MLXIPL: variants seen among roughly 807,000 people sequenced by gnomAD.
MLXIPL encodes carbohydrate-responsive element-binding protein.
In MLXIPL, 49 loss-of-function variants were observed where a neutral mutation model predicts 81.5. The observed-to-expected ratio is 0.60, with a 90% CI of 0.48 to 0.76. MLXIPL has a LOEUF of 0.76. Among genes scored for constraint, MLXIPL ranks in the 30% least tolerant of loss-of-function variants. The probability of loss-of-function intolerance (pLI) is 0.00; values close to 1 mark genes in which losing one functional copy is unlikely to be tolerated. For synonymous variants in MLXIPL, 466 were observed against 485.5 expected (o/e 0.96, Z 0.53); for missense variants, 1,053 against 1,167.0 (o/e 0.90, Z 1.42).
intron 2 of MLXIPL, among the ~76,000 whole-genome samples, chr7:73,608,887 C>T (rs1231750805): frequency 1.3e-5 from 2 of 152,130 alleles, no homozygotes; most frequent in Non-Finnish European, 2.9e-5. Context: ...AGTGCAGTGG[C>T]GCAATCATAG....
chr7:73,638,925 C>A, the MLXIPL span, among the ~76,000 whole-genome samples: 1 of 151,908 alleles, frequency 6.6e-6, no homozygotes, highest in South Asian at 2.1e-4. Context: ...TCATTTAAGT[C>A]TTTCATTCCC....
the MLXIPL span, among the ~76,000 whole-genome samples, chr7:73,631,428 G>T: frequency 6.6e-6 from 1 of 151,962 alleles, no homozygotes; most frequent in Non-Finnish European, 1.5e-5. Context: ...ACACGGAAGT[G>T]TATATGTTGT....
At chr7:73,609,554 TTG>T (rs34460340) in intron 2 of MLXIPL, 12,828 of 144,990 alleles carry the variant, frequency 0.088, 569 homozygotes, top group Middle Eastern at 0.12. Context: ...CCTGGCCGCT[TTG>T]TGTGTGTGTG....
At chr7:73,638,389 C>T in the MLXIPL span, among the ~76,000 whole-genome samples, 62 of 152,220 alleles carry the variant, frequency 4.1e-4, 1 homozygote. Context: ...ACTGCAACCT[C>T]CACCTCCCAG....
Position 73,605,962 on chromosome 7 carries a change from G to C in MLXIPL, c.768C>G (p.Leu256=). 6.3e-7 allele frequency: 1 copy of C among 1,595,876 alleles called. No homozygotes were observed. Among genetic ancestry groups the C allele is most frequent in the Non-Finnish European group, 8.5e-7 (1 of 1,171,186 alleles). Residue 256 remains leucine, a synonymous_variant, in exon 6 of 17, where the codon CTC becomes CTG. Transcript: ENST00000313375. ...AAGGGCCGGACTGAGTCATGGTGAA[G>C]AGAGTGTCTGAGATGTCGGACAAAA... ...NCFLSDISDT[L]FTMTQSGPSP...
intron 2 of MLXIPL, among the ~76,000 whole-genome samples, chr7:73,614,928 A>G (rs971238485): frequency 1.2e-4 from 18 of 150,128 alleles, no homozygotes; most frequent in Non-Finnish European, 8.8e-5. Flanking sequence ...CTCCTGCCTC[A>G]GCCTGCCGAG....
Position 73,593,370 on chromosome 7 carries a change from T to C in MLXIPL, c.*495A>G. ...AGGGGAAACCATCCTGCAGCCCCTC[T>C]GGGTCAGCAGTGAAGGAGCAGAGAG... On this transcript the variant is annotated 3_prime_UTR_variant, in exon 17 of 17. Transcript: ENST00000313375. 4.3e-6 allele frequency: 1 copy of C among 230,700 alleles called. No homozygotes were observed. Among genetic ancestry groups the C allele is most frequent in the Non-Finnish European group, 8.7e-6 (1 of 115,118 alleles). The allele number at this position is 230,700 out of a possible 1,614,324, so 14.3% of individuals were successfully genotyped here.
chr7:73,644,741 C>T, the MLXIPL span, among the ~76,000 whole-genome samples: 1 of 152,060 alleles, frequency 6.6e-6, no homozygotes, highest in Non-Finnish European at 1.5e-5. Flanking sequence ...GAAGATAGGG[C>T]GACAATCTCC....
intron 1 of MLXIPL, among the ~76,000 whole-genome samples, chr7:73,618,806 T>C (rs782593878): frequency 2.5e-4 from 38 of 152,154 alleles, no homozygotes; most frequent in Non-Finnish European, 5.0e-4. Flanking sequence ...GTTGTCCCTG[T>C]CTGTATCCCA....
At chr7:73,644,310 T>C in the MLXIPL span, among the ~76,000 whole-genome samples, 1 of 151,704 alleles carries the variant, frequency 6.6e-6, no homozygotes, top group African/African-American at 2.4e-5. Flanking sequence ...AGGCTTCAAG[T>C]GATTCTCCTG....
chr7:73,622,691 T>C (rs1374299656), intron 1 of MLXIPL, among the ~76,000 whole-genome samples: 1 of 150,646 alleles, frequency 6.6e-6, no homozygotes, highest in African/African-American at 2.4e-5. Flanking sequence ...AACACAGTCC[T>C]CTCTACCCCA....
Position 73,623,962 on chromosome 7 carries a change from T to C in MLXIPL, c.293+238A>G, listed in dbSNP as rs1172141931. Among the ~76,000 whole-genome samples the C allele has an allele frequency of 6.9e-6, 1 of 145,608 alleles. No individual in the cohort carries two copies. The highest frequency in any genetic ancestry group is 1.5e-5 in the Non-Finnish European group (1 of 66,246). The stretch of plus-strand genomic sequence containing the variant: ...GGTCTGCGCTTCGGGGAAGAGGGAA[T>C]GGGGGAGGAATGGGAATCAGAAATG... On this transcript the variant is annotated intron_variant, in intron 1 of 16. Transcript: ENST00000313375. This position sits in a 1 kb window ranked among gnomAD's most constrained non-coding sequence, Gnocchi z 5.7.
the MLXIPL span, among the ~76,000 whole-genome samples, chr7:73,633,120 G>T: frequency 1.8e-4 from 25 of 141,630 alleles, no homozygotes; most frequent in South Asian, 2.9e-3. Flanking sequence ...TTGCTCTGTT[G>T]CCCAGGCTGG....
In MLXIPL at chr7:73,596,736, AGGGGCCGGGGTC is replaced by A; in HGVS notation, c.1713_1724del (p.Ala574_Pro577del). On this transcript the variant is annotated inframe_deletion, in exon 11 of 17. Transcript: ENST00000313375. This position sits in a 1 kb window ranked among gnomAD's most constrained non-coding sequence, Gnocchi z 4.7. ...GGCCTGGAGGTGGCCGGGGCGGTGT[AGGGGCCGGGGTC>A]GGGGGAAGGAATGTGCAGGGGAATT... 6.3e-7 allele frequency: 1 copy of A among 1,594,836 alleles called. No homozygotes were observed. The highest frequency in any genetic ancestry group is 8.5e-7 in the Non-Finnish European group (1 of 1,171,912).
intron 5 of MLXIPL, chr7:73,606,367 C>T: frequency 3.6e-6 from 2 of 555,904 alleles, no homozygotes; most frequent in South Asian, 2.5e-5. Context: ...TTTTTCCTGT[C>T]TGGGACCCCA....
intron 7 of MLXIPL, among the ~76,000 whole-genome samples, chr7:73,602,661 C>G (rs1009895451): frequency 7.2e-5 from 11 of 152,024 alleles, no homozygotes; most frequent in Middle Eastern, 6.8e-3. Context: ...GCCTGGGCAA[C>G]AGAGCAAGAT....
chr7:73,597,614 C>G lies in MLXIPL; in HGVS notation c.1171G>C (p.Val391Leu). ...GGGTAATGCAGCAGAGGTGGGGGTA[C>G]AGGAGGGGGTGGGAGCCGGGGCTTG... Reference protein sequence around the residue: ...DPKPRLPPPPVPPPLLHYPPP... With the variant: ...DPKPRLPPPPLPPPLLHYPPP... Residue 391 changes from valine to leucine, a missense_variant, in exon 9 of 17, where the codon GTA becomes CTA. Transcript: ENST00000313375. The G allele has an allele frequency of 1.8e-6, 2 of 1,134,410 alleles. No individual in the cohort carries two copies. The highest frequency in any genetic ancestry group is 2.1e-6 in the Non-Finnish European group (2 of 936,386). 70.3% of individuals were successfully genotyped at this position (1,134,410 alleles called of 1,614,324 possible). A position where few individuals can be genotyped will look rare whatever the true frequency, so the allele number is the denominator to read the frequency against.
intron 1 of MLXIPL, 123 bp downstream of exon 1, chr7:73,624,077 T>G: frequency 7.5e-7 from 1 of 1,332,752 alleles, no homozygotes; most frequent in Non-Finnish European, 9.9e-7. Flanking sequence ...GATCGGAGCC[T>G]CCGGGAGCCG....
chr7:73,619,254 A>G (rs1227670743), intron 1 of MLXIPL, among the ~76,000 whole-genome samples: 1 of 151,870 alleles, frequency 6.6e-6, no homozygotes, highest in Non-Finnish European at 1.5e-5. Context: ...TGAGGTCAGG[A>G]GTTCGAGATC....
Sources: allele counts gnomAD v4.1 joint callset (sites outside exome capture counted in the v4.1 genomes callset), GRCh38; gene constraint gnomAD v4.1.1; non-coding constraint Gnocchi (gnomAD v3.1); transcripts MANE v1.5; gene names NCBI Gene and HGNC (gene_info 2026-07-23, HGNC 2026-07-21).